Variants in PHF8 observed in about 807,000 individuals in gnomAD.
The protein encoded by PHF8 is PHD finger protein 8.
Under a neutral mutation model 74.4 loss-of-function variants are expected in PHF8, and 9 were observed. That is an observed-to-expected ratio of 0.12 (90% CI 0.07 to 0.21). The LOEUF (loss-of-function observed/expected upper bound fraction) is 0.21, where lower values mean the gene tolerates loss of function less well. Among genes scored for constraint, PHF8 ranks in the 10% least tolerant of loss-of-function variants. PHF8 has a pLI of 1.00. For missense variants in PHF8, 478 were observed against 816.6 expected (o/e 0.59, Z 5.05); for synonymous variants, 311 against 316.6 (o/e 0.98, Z 0.19).
chrX:53,998,559 C>T (rs2065783818), intron 11 of PHF8, among the ~76,000 whole-genome samples: 1 of 111,640 alleles, frequency 9.0e-6, no homozygotes, highest in African/African-American at 3.3e-5. Flanking sequence ...GCCATCAATC[C>T]CATCATCCCA....
At chrX:53,993,550 T>C in intron 13 of PHF8, 51 bp downstream of exon 13, 1 of 1,103,153 alleles carries the variant, frequency 9.1e-7, no homozygotes, top group Non-Finnish European at 1.3e-6. Context: ...AACCCTGCTC[T>C]TCCAAGGGAC....
chrX:54,011,571 T>C (rs1248013463), intron 7 of PHF8, among the ~76,000 whole-genome samples: 2 of 111,973 alleles, frequency 1.8e-5, no homozygotes, highest in Non-Finnish European at 3.8e-5. Context: ...AGTGTTCCTA[T>C]TTTAGACACA....
intron 2 of PHF8, among the ~76,000 whole-genome samples, chrX:54,032,669 G>GCTCCCCAC (rs1557112898): frequency 1.8e-5 from 2 of 110,775 alleles, no homozygotes; most frequent in African/African-American, 3.3e-5. Flanking sequence ...ATATTAAGCT[G>GCTCCCCAC]TTAGTTTACT....
At chrX:54,000,135 G>A (rs984765643) in intron 10 of PHF8, among the ~76,000 whole-genome samples, 174 bp from the exon 11 acceptor site, 1 of 112,235 alleles carries the variant, frequency 8.9e-6, no homozygotes, top group Non-Finnish European at 1.9e-5. Flanking sequence ...CTAGGAATGT[G>A]ATATCTATTA....
In PHF8 at chrX:53,937,625, C is replaced by A. The variant is rs782248407; in HGVS notation, c.*1533G>T. ...AGAGAAAGCAAATGGGCTAAAGGAACCCCTGATTCCAAGGAAGGAAAGTAG... is the reference window on the plus strand; with the variant it reads ...AGAGAAAGCAAATGGGCTAAAGGAAACCCTGATTCCAAGGAAGGAAAGTAG... On this transcript the variant is annotated 3_prime_UTR_variant, in exon 22 of 22. Transcript: ENST00000338154. 12 of 170,798 alleles carry A rather than the reference C, an allele frequency of 7.0e-5. No individual in the cohort carries two copies. The highest frequency in any genetic ancestry group is 3.6e-4 in the African/African-American group (12 of 33,150). The allele number at this position is 170,798 out of a possible 1,213,427, so 14.1% of individuals were successfully genotyped here. A position where few individuals can be genotyped will look rare whatever the true frequency, so the allele number is the denominator to read the frequency against.
intron 18 of PHF8, among the ~76,000 whole-genome samples, chrX:53,970,053 G>A (rs1247893089): frequency 1.8e-5 from 2 of 112,096 alleles, no homozygotes; most frequent in Non-Finnish European, 3.8e-5. Flanking sequence ...AATGCTATAG[G>A]ACATTGGTCT....
intron 18 of PHF8, among the ~76,000 whole-genome samples, chrX:53,972,339 A>G (rs189818788): frequency 2.6e-4 from 28 of 107,472 alleles, no homozygotes; most frequent in Non-Finnish European, 4.2e-4. Flanking sequence ...AAAAAAAAAA[A>G]AAAAAGAAAA....
chrX:53,966,007 G>A (rs990066416), intron 18 of PHF8, among the ~76,000 whole-genome samples: 32 of 111,101 alleles, frequency 2.9e-4, no homozygotes, highest in Non-Finnish European at 5.8e-4. Flanking sequence ...AGAGCAAAAG[G>A]AAACCACTGA....
chrX:53,976,805 T>C (rs953667395), intron 18 of PHF8, among the ~76,000 whole-genome samples: 26 of 109,518 alleles, frequency 2.4e-4, no homozygotes, highest in African/African-American at 8.0e-4. Context: ...AAAGACCCCA[T>C]AGACATTTAA....
At chrX:54,047,246 A>G (rs1364381574), upstream of PHF8, among the ~76,000 whole-genome samples, 4 of 111,919 alleles carry the variant, frequency 3.6e-5, no homozygotes, top group African/African-American at 1.3e-4. Flanking sequence ...GTGTTTGGAA[A>G]CTGATAATAG....
At chrX:54,045,791 ATAGG>A (rs1368992175), upstream of PHF8, among the ~76,000 whole-genome samples, 3 of 112,200 alleles carry the variant, frequency 2.7e-5, no homozygotes, top group African/African-American at 9.7e-5. Context: ...CAGAAGAGAG[ATAGG>A]TAGGAGGTCA....
intron 2 of PHF8, among the ~76,000 whole-genome samples, chrX:54,036,992 A>G (rs1557114466): frequency 1.0e-5 from 1 of 100,405 alleles, no homozygotes; most frequent in Non-Finnish European, 2.0e-5. Context: ...AGGCTGTTTC[A>G]GAAAAAATAA....
chrX:53,944,357 T>C, intron 19 of PHF8, 114 bp from the exon 20 acceptor site: 1 of 541,277 alleles, frequency 1.8e-6, no homozygotes, highest in East Asian at 3.5e-5. Context: ...TGCTTCTAGC[T>C]TTTTATGAAG....
chrX:54,014,706 C>T (rs2066034241), intron 6 of PHF8, 143 bp from the exon 7 acceptor site: 3 of 489,269 alleles, frequency 6.1e-6, no homozygotes, highest in South Asian at 5.7e-5. Flanking sequence ...GCACATAGGA[C>T]ACTTATTTCT....
chrX:54,003,806 C>T (rs1557104739), intron 8 of PHF8, among the ~76,000 whole-genome samples: 1 of 112,218 alleles, frequency 8.9e-6, no homozygotes, highest in Non-Finnish European at 1.9e-5. Context: ...GCTCTTTAAG[C>T]TCTAGTATCC....
At chrX:53,998,514 T>C (rs1005480694) in intron 11 of PHF8, among the ~76,000 whole-genome samples, 13 of 111,163 alleles carry the variant, frequency 1.2e-4, no homozygotes, top group Non-Finnish European at 1.9e-4. Context: ...GCTTCATTCC[T>C]ACCCTGTCCC....
Position 54,042,549 on chromosome X carries a change from A to G in PHF8, c.98+82T>C. 4.5e-6 allele frequency: 4 copies of G among 897,592 alleles called. No homozygotes were observed. In the South Asian group the frequency reaches 6.3e-5, roughly 14 times the overall value. 74.0% of individuals were successfully genotyped at this position (897,592 alleles called of 1,213,427 possible). On this transcript the variant is annotated intron_variant, in intron 2 of 21. Coordinates refer to ENST00000338154, the MANE Select transcript of PHF8 (RefSeq NM_015107.3). ...AGAGGGGGTCCTGAGCCGGAATCTAAAAACAGAGCTGAGAAAGGAAGAGAG... is the reference window on the plus strand; with the variant it reads ...AGAGGGGGTCCTGAGCCGGAATCTAGAAACAGAGCTGAGAAAGGAAGAGAG...
intron 18 of PHF8, 134 bp from the exon 19 acceptor site, chrX:53,963,073 T>A: frequency 3.9e-6 from 2 of 510,736 alleles, no homozygotes. Context: ...TCCAAGAGTC[T>A]CTGAATGTAC....
At chrX:53,965,162 T>C (rs7883061) in intron 18 of PHF8, among the ~76,000 whole-genome samples, 15,427 of 111,047 alleles carry the variant, frequency 0.14, 1,197 homozygotes, top group African/African-American at 0.29. Context: ...CACGTGCACG[T>C]GTGCACACAC....
Sources: gnomAD v4.1 joint callset for allele counts (sites outside exome capture counted in the v4.1 genomes callset) on GRCh38, gnomAD v4.1.1 for gene constraint, MANE v1.5 for transcripts, NCBI Gene and HGNC (gene_info 2026-07-23, HGNC 2026-07-21) for gene names.